Variants in EPC2 observed in about 807,000 individuals in gnomAD.
The protein encoded by EPC2 is enhancer of polycomb 2.
Under a neutral mutation model 92.1 loss-of-function variants are expected in EPC2, and 14 were observed. That is an observed-to-expected ratio of 0.15 (90% confidence interval 0.10 to 0.24). The LOEUF (loss-of-function observed/expected upper bound fraction) is 0.24. Among genes scored for constraint, EPC2 ranks in the 10% least tolerant of loss-of-function variants. The pLI is 1.00. For missense variants in EPC2, 755 were observed against 971.5 expected, an observed-to-expected ratio of 0.78 and a Z score of 2.96; for synonymous variants, 340 against 334.7, an observed-to-expected ratio of 1.02 and a Z score of -0.17.
intron 1 of EPC2, among the ~76,000 whole-genome samples, chr2:148,683,459 G>T (rs1179238214): frequency 1.3e-5 from 2 of 151,838 alleles, no homozygotes; most frequent in South Asian, 2.1e-4. Flanking sequence ...GTAGAGACAG[G>T]GTTTCACCAT....
At chr2:148,648,755 C>T (rs1451979276) in intron 1 of EPC2, among the ~76,000 whole-genome samples, 3 of 152,138 alleles carry the variant, frequency 2.0e-5, no homozygotes, top group Non-Finnish European at 4.4e-5. Context: ...GAGTTACATT[C>T]TGACTGAGTT....
chr2:148,754,605 C>A (rs774418734), intron 4 of EPC2, among the ~76,000 whole-genome samples: 1 of 152,138 alleles, frequency 6.6e-6, no homozygotes, highest in Admixed American at 6.6e-5. Context: ...TATTGTAGTT[C>A]TTCCAAGTGA....
chr2:148,686,011 G>A (rs146078342), intron 1 of EPC2, among the ~76,000 whole-genome samples: 1 of 152,244 alleles, frequency 6.6e-6, no homozygotes, highest in East Asian at 1.9e-4. Flanking sequence ...AGGTGGCTGT[G>A]GAAGTTTCTT....
intron 3 of EPC2, among the ~76,000 whole-genome samples, chr2:148,750,122 A>C (rs1683059618): frequency 6.6e-6 from 1 of 152,064 alleles, no homozygotes; most frequent in Non-Finnish European, 1.5e-5. Flanking sequence ...TGATCATTTT[A>C]TCATTCTAAT....
chr2:148,786,378 C>T lies in EPC2; in HGVS notation c.*1C>T, dbSNP rs755417047. ...AACAGTAGCTATGGAAGTGACATAA[C>T]CTAAAACACGTGGCTCTGACCTGTG... On this transcript the variant is annotated 3_prime_UTR_variant, in exon 14 of 14. Coordinates refer to ENST00000258484, the MANE Select transcript of EPC2 (RefSeq NM_015630.4). The T allele has an allele frequency of 5.6e-6, 9 of 1,606,310 alleles. No individual in the cohort carries two copies. The South Asian group carries it at 9.0e-5, about 16-fold the overall frequency.
chr2:148,706,732 A>G (rs1437294025), intron 2 of EPC2, among the ~76,000 whole-genome samples: 1 of 152,226 alleles, frequency 6.6e-6, no homozygotes, highest in Non-Finnish European at 1.5e-5. Context: ...CCAGAATTTC[A>G]TATCCAGCCA....
chr2:148,761,591 A>G (rs879740970), intron 4 of EPC2, among the ~76,000 whole-genome samples, 191 bp from the exon 5 acceptor site: 1 of 152,150 alleles, frequency 6.6e-6, no homozygotes, highest in Non-Finnish European at 1.5e-5. Flanking sequence ...CTGAGTGTCG[A>G]GAGATACTTG....
intron 3 of EPC2, among the ~76,000 whole-genome samples, chr2:148,746,449 A>C (rs2105410164): frequency 6.6e-6 from 1 of 152,150 alleles, no homozygotes; most frequent in Middle Eastern, 3.4e-3. Context: ...AGGGTTTGTC[A>C]GGTTTTATCA....
At chr2:148,776,086 G>A (rs1376283209) in intron 10 of EPC2, among the ~76,000 whole-genome samples, 1 of 151,668 alleles carries the variant, frequency 6.6e-6, no homozygotes, top group Non-Finnish European at 1.5e-5. Flanking sequence ...CGGCCAATAT[G>A]ACTAATTTCC....
chr2:148,767,929 G>A (rs565938774), intron 7 of EPC2, among the ~76,000 whole-genome samples: 130 of 152,284 alleles, frequency 8.5e-4, no homozygotes, highest in African/African-American at 2.7e-3. Flanking sequence ...TAAAATTCAC[G>A]TTTGGGATTT....
In EPC2 at chr2:148,786,407, A is replaced by G. The variant is rs1327764617; in HGVS notation, c.*30A>G. ...AAACACGTGGCTCTGACCTGTGCTG[A>G]TGGTGTGCAGTCATTCATATTCCAG... On this transcript the variant is annotated 3_prime_UTR_variant, in exon 14 of 14. Transcript: ENST00000258484. 1.3e-6 allele frequency: 2 copies of G among 1,564,994 alleles called. No individual in the cohort carries two copies. The highest frequency in any genetic ancestry group is 1.7e-6 in the Non-Finnish European group (2 of 1,144,586).
intron 10 of EPC2, among the ~76,000 whole-genome samples, chr2:148,775,919 A>G (rs1179177246): frequency 1.3e-5 from 2 of 151,270 alleles, no homozygotes; most frequent in African/African-American, 2.4e-5. Flanking sequence ...CTGGGACTAC[A>G]GGTGCCCACC....
At chr2:148,766,366 A>G (rs1683407602) in intron 7 of EPC2, among the ~76,000 whole-genome samples, 1 of 152,172 alleles carries the variant, frequency 6.6e-6, no homozygotes, top group South Asian at 2.1e-4. Context: ...TTTTTCACCA[A>G]TTGGTTTTTC....
chr2:148,739,326 A>G (rs1467984246), intron 2 of EPC2, among the ~76,000 whole-genome samples: 2 of 152,128 alleles, frequency 1.3e-5, no homozygotes, highest in Non-Finnish European at 1.5e-5. Context: ...CATGCTACTC[A>G]TTTTATACCA....
intron 1 of EPC2, among the ~76,000 whole-genome samples, chr2:148,679,522 A>G (rs962306979): frequency 1.3e-5 from 2 of 152,220 alleles, no homozygotes; most frequent in Admixed American, 6.5e-5. Context: ...GCAAGGTGAG[A>G]TGTAAGAAAA....
chr2:148,784,936 A>G lies in EPC2; in HGVS notation c.2286A>G (p.Thr762=). ...CGCCAACAGCCTTAAAACTTGCCACAGTTGCTGCCAGTATGGACAGAGTGC... is the reference window on the plus strand; with the variant it reads ...CGCCAACAGCCTTAAAACTTGCCACGGTTGCTGCCAGTATGGACAGAGTGC... ...APSPTALKLA[T]VAASMDRVPK... The change falls in exon 13 of 14, where the codon ACA becomes ACG. Residue 762 remains threonine (T), a synonymous_variant. Transcript: ENST00000258484. 3 of 1,570,456 alleles carry G rather than the reference A, an allele frequency of 1.9e-6. No homozygotes were observed. The highest frequency in any genetic ancestry group is 2.6e-6 in the Non-Finnish European group (3 of 1,157,018).
intron 2 of EPC2, among the ~76,000 whole-genome samples, chr2:148,703,472 C>T (rs1345993754): frequency 6.6e-6 from 1 of 151,818 alleles, no homozygotes; most frequent in South Asian, 2.1e-4. Flanking sequence ...AAACAAAAAA[C>T]GTTTCAGGAT....
At chr2:148,654,667 G>A (rs1324230278) in intron 1 of EPC2, among the ~76,000 whole-genome samples, 1 of 152,132 alleles carries the variant, frequency 6.6e-6, no homozygotes, top group Non-Finnish European at 1.5e-5. Flanking sequence ...CTGTCTCTTA[G>A]AAACAAACAA....
intron 10 of EPC2, among the ~76,000 whole-genome samples, chr2:148,776,010 T>C (rs1683636360): frequency 6.6e-6 from 1 of 152,076 alleles, no homozygotes; most frequent in African/African-American, 2.4e-5. Flanking sequence ...CTCGATCTCC[T>C]GACCTCGTGA....
Sources: gnomAD v4.1 joint callset for allele counts (sites outside exome capture counted in the v4.1 genomes callset) on GRCh38, gnomAD v4.1.1 for gene constraint, MANE v1.5 for transcripts, NCBI Gene and HGNC (gene_info 2026-07-23, HGNC 2026-07-21) for gene names.